PIP4K2A: variants seen among roughly 807,000 people sequenced by gnomAD.
The protein encoded by PIP4K2A is phosphatidylinositol-5-phosphate 4-kinase type 2 alpha, also known as phosphatidylinositol 5-phosphate 4-kinase type-2 alpha.
Under a neutral mutation model 42.9 loss-of-function variants are expected in PIP4K2A, and 14 were observed. That is an observed-to-expected ratio of 0.33 (90% confidence interval 0.22 to 0.51). The LOEUF (loss-of-function observed/expected upper bound fraction) is 0.51, where lower values mean the gene tolerates loss of function less well. Ranked by LOEUF, PIP4K2A falls within the 20% of genes least tolerant of loss-of-function variation. The pLI, the probability that PIP4K2A is intolerant of heterozygous loss-of-function variation, is 0.97. For missense variants in PIP4K2A, 434 were observed against 519.8 expected (o/e 0.83, Z 1.61); for synonymous variants, 192 against 192.2 (o/e 1.00, Z 0.01).
At chr10:22,713,631 T>TA (rs1426234713) in intron 1 of PIP4K2A, among the ~76,000 whole-genome samples, 1 of 152,188 alleles carries the variant, frequency 6.6e-6, no homozygotes. Context: ...AGAAAGGACC[T>TA]AAGCACTAAA....
chr10:22,595,024 G>C (rs1339059673), intron 3 of PIP4K2A, among the ~76,000 whole-genome samples: 1 of 152,078 alleles, frequency 6.6e-6, no homozygotes, highest in Non-Finnish European at 1.5e-5. Context: ...TCAAAACATA[G>C]AATGTACCTT....
chr10:22,704,915 T>C (rs1249853064), intron 1 of PIP4K2A, among the ~76,000 whole-genome samples: 4 of 152,056 alleles, frequency 2.6e-5, no homozygotes, highest in African/African-American at 9.7e-5. Flanking sequence ...TTAGCTGAAA[T>C]TTAAATTGCC....
chr10:22,642,720 A>C (rs1838806478), intron 1 of PIP4K2A, among the ~76,000 whole-genome samples: 2 of 151,962 alleles, frequency 1.3e-5, no homozygotes, highest in Non-Finnish European at 2.9e-5. Context: ...TATAGAGTTA[A>C]GACAATGACA....
At chr10:22,588,286 A>G (rs1837442698) in intron 4 of PIP4K2A, among the ~76,000 whole-genome samples, 1 of 151,352 alleles carries the variant, frequency 6.6e-6, no homozygotes, top group Admixed American at 6.6e-5. Context: ...TATACGGACA[A>G]TTTTTTTTTA....
chr10:22,559,319 G>A (rs774163010), intron 6 of PIP4K2A, among the ~76,000 whole-genome samples: 11 of 152,134 alleles, frequency 7.2e-5, no homozygotes, highest in South Asian at 2.1e-4. Flanking sequence ...AGTTGTTAGC[G>A]TGAAAACATT....
intron 1 of PIP4K2A, among the ~76,000 whole-genome samples, chr10:22,703,638 T>C (rs1346609215): frequency 1.3e-5 from 2 of 152,202 alleles, no homozygotes; most frequent in African/African-American, 2.4e-5. Context: ...TTATTCTAAA[T>C]GCAATGTAAA....
At chr10:22,614,739 T>A (rs1273950861) in intron 1 of PIP4K2A, among the ~76,000 whole-genome samples, 1 of 152,246 alleles carries the variant, frequency 6.6e-6, no homozygotes, top group Admixed American at 6.5e-5. Context: ...ATGGATTACT[T>A]GCAGAGCTGC....
Position 22,671,744 on chromosome 10 carries a change from A to G in PIP4K2A, c.144+42439T>C, listed in dbSNP as rs562417295. 5.9e-5 allele frequency among the ~76,000 whole-genome samples: 8 copies of G among 135,124 alleles called. No homozygotes were observed. In the East Asian group the frequency reaches 1.4e-3, roughly 24 times the overall value. 88.6% of individuals were successfully genotyped at this position (135,124 alleles called of 152,430 possible). A position where few individuals can be genotyped will look rare whatever the true frequency, so the allele number is the denominator to read the frequency against. Reference sequence around the variant, plus strand: ...CTGAATTTTCTGATTTACTTGGAAAATACACACACACACACACACACACAC... The same window carrying G: ...CTGAATTTTCTGATTTACTTGGAAAGTACACACACACACACACACACACAC... On this transcript the variant is annotated intron_variant, in intron 1 of 9. Transcript: ENST00000376573.
At chr10:22,540,121 G>A (rs752667355) in intron 8 of PIP4K2A, 47 bp from the exon 9 acceptor site, 112 of 910,642 alleles carry the variant, frequency 1.2e-4, no homozygotes, top group Non-Finnish European at 3.3e-5. Context: ...GACAACACCA[G>A]TGCCAGCATT....
At chr10:22,564,414 T>C (rs920878384) in intron 6 of PIP4K2A, among the ~76,000 whole-genome samples, 5 of 152,094 alleles carry the variant, frequency 3.3e-5, no homozygotes, top group Admixed American at 6.5e-5. Context: ...CCAAGGAACT[T>C]TGGAAGAAAG....
rs1231021389 is a variant in PIP4K2A, at chr10:22,567,838, G to GC, written c.678+12dup. 1 of 1,608,216 alleles carries GC rather than the reference G, an allele frequency of 6.2e-7. No homozygotes were observed. Among genetic ancestry groups the GC allele is most frequent in the Non-Finnish European group, 8.5e-7 (1 of 1,174,652 alleles). The stretch of plus-strand genomic sequence containing the variant: ...CCCCCAGGACATGGGGAGACATACA[G>GC]CAAGGTACTTACCTTTTCTTTGTCA... On this transcript the variant is annotated intron_variant, in intron 6 of 9. Coordinates refer to ENST00000376573, the MANE Select transcript of PIP4K2A (RefSeq NM_005028.5).
At chr10:22,594,112 C>A (rs1837570852) in intron 3 of PIP4K2A, among the ~76,000 whole-genome samples, 1 of 152,138 alleles carries the variant, frequency 6.6e-6, no homozygotes, top group Non-Finnish European at 1.5e-5. Context: ...GAAGTAGATG[C>A]TGCTGCTGGA....
chr10:22,650,151 C>A (rs763304818), intron 1 of PIP4K2A, among the ~76,000 whole-genome samples: 6 of 152,228 alleles, frequency 3.9e-5, no homozygotes, highest in African/African-American at 4.8e-5. Flanking sequence ...TTGTGGGCCA[C>A]TCCCTTAGGG....
intron 5 of PIP4K2A, chr10:22,568,890 C>T: frequency 1.4e-6 from 1 of 700,332 alleles, no homozygotes; most frequent in Non-Finnish European, 2.5e-6. Context: ...CTCCCTTCCC[C>T]TCCTGCACTG....
chr10:22,638,010 T>C (rs914078643), intron 1 of PIP4K2A, among the ~76,000 whole-genome samples: 1 of 152,174 alleles, frequency 6.6e-6, no homozygotes, highest in Middle Eastern at 3.2e-3. Context: ...AGATACTGAG[T>C]GCCGCAATTC....
At chr10:22,586,994 G>A (rs1564432132) in intron 4 of PIP4K2A, among the ~76,000 whole-genome samples, 1 of 152,308 alleles carries the variant, frequency 6.6e-6, no homozygotes, top group African/African-American at 2.4e-5. Context: ...CCATTGGCCA[G>A]GGGCATGGCT....
chr10:22,650,244 GT>G (rs964413810), intron 1 of PIP4K2A, among the ~76,000 whole-genome samples: 1 of 152,060 alleles, frequency 6.6e-6, no homozygotes, highest in East Asian at 1.9e-4. Flanking sequence ...ATCACTTACC[GT>G]TTTTTAGCCT....
intron 1 of PIP4K2A, among the ~76,000 whole-genome samples, chr10:22,685,643 C>G (rs943934021): frequency 6.6e-6 from 1 of 152,120 alleles, no homozygotes; most frequent in East Asian, 1.9e-4. Context: ...ATCCCTTGAG[C>G]CCAGGAGATT....
At chr10:22,547,925 C>A (rs1007136012) in intron 7 of PIP4K2A, among the ~76,000 whole-genome samples, 1 of 152,178 alleles carries the variant, frequency 6.6e-6, no homozygotes, top group East Asian at 1.9e-4. Context: ...GCAACTAGAA[C>A]CTCAGATGAA....
Sources: gnomAD v4.1 joint callset for allele counts (sites outside exome capture counted in the v4.1 genomes callset) on GRCh38, gnomAD v4.1.1 for gene constraint, MANE v1.5 for transcripts, NCBI Gene and HGNC (gene_info 2026-07-23, HGNC 2026-07-21) for gene names.